RICTOR: variants seen among roughly 807,000 people sequenced by gnomAD.
RICTOR encodes RPTOR independent companion of MTOR complex 2.
In RICTOR, 49 loss-of-function variants were observed where a neutral mutation model predicts 214.9. That is an observed-to-expected ratio of 0.23 (90% CI 0.18 to 0.29). RICTOR has a LOEUF of 0.29. Ranked by LOEUF, RICTOR falls within the 10% of genes least tolerant of loss-of-function variation. The probability of loss-of-function intolerance (pLI) is 1.00; values close to 1 mark genes in which losing one functional copy is unlikely to be tolerated. For missense variants in RICTOR, 1,625 were observed against 2,047.0 expected, an observed-to-expected ratio of 0.79 and a Z score of 3.98; for synonymous variants, 717 against 711.3, an observed-to-expected ratio of 1.01 and a Z score of -0.13.
intron 7 of RICTOR, among the ~76,000 whole-genome samples, chr5:38,984,946 A>C (rs559602637): frequency 6.6e-6 from 1 of 152,176 alleles, no homozygotes; most frequent in Non-Finnish European, 1.5e-5. Context: ...CAGCCTCCCA[A>C]GTAGCTGGGA....
In RICTOR at chr5:38,960,452, T is replaced by C. The variant is rs766724947; in HGVS notation, c.1797A>G (p.Lys599=). ...ANLDLDFAKA[K]QLTVVGCQFT... ...ACTGGCAACCTACAACCGTGAGCTG[T>C]TTGGCCTTGGCAAAATCCAGATCCA... is the stretch of plus-strand genomic sequence containing the variant. The change falls in exon 20 of 38, where the codon AAA becomes AAG. Residue 599 remains lysine, a synonymous_variant. Coordinates refer to ENST00000357387, the MANE Select transcript of RICTOR (RefSeq NM_152756.5). 8 of 1,613,960 alleles carry C rather than the reference T, an allele frequency of 5.0e-6. No homozygotes were observed. In the East Asian group the frequency reaches 1.8e-4, roughly 36 times the overall value.
rs1331567650 is a variant in RICTOR, at chr5:38,949,746, C to T, written c.4102G>A (p.Ala1368Thr). The change falls in exon 31 of 38, where the codon GCC (alanine) becomes ACC (threonine). Residue 1368 changes from alanine to threonine, a missense_variant. Ala to Thr is a moderately conservative substitution (Grantham distance 58). This residue lies in a region of RICTOR where 1,214 missense variants were observed against 1,470.5 expected (regional missense o/e 0.83). Transcript: ENST00000357387. ...GTTAATCTGGACTCAAAACTGTTGG[C>T]CTTCATGGTGATGGTATCAGTAAAT... The part of the protein sequence containing the change: ...VLFTDTITMK[A>T]NSFESRLTPS... The T allele has an allele frequency of 6.2e-7, 1 of 1,613,038 alleles. No individual in the cohort carries two copies. The highest frequency in any genetic ancestry group is 1.3e-5 in the African/African-American group (1 of 74,828).
intron 32 of RICTOR, among the ~76,000 whole-genome samples, chr5:38,946,965 A>G (rs1225035961): frequency 7.6e-6 from 1 of 131,474 alleles, no homozygotes; most frequent in Non-Finnish European, 1.6e-5. Flanking sequence ...ACTAAAAAAC[A>G]AGTTAGAAAT....
intron 3 of RICTOR, among the ~76,000 whole-genome samples, chr5:39,012,152 A>G (rs531335637): frequency 1.3e-5 from 2 of 152,286 alleles, no homozygotes; most frequent in African/African-American, 4.8e-5. Flanking sequence ...GATAGCGAGT[A>G]AGTTCTCATG....
rs774709668 is a variant in RICTOR at position 38,962,827 on chromosome 5, G to A, written c.1566+49C>T. On this transcript the variant is annotated intron_variant, in intron 17 of 37. Coordinates refer to ENST00000357387, the MANE Select transcript of RICTOR (RefSeq NM_152756.5). ...TGCATACTAAAATCCAGTGGTTAAG[G>A]AATTAAGATGTTGTGTTTAAGATGA... 3.4e-6 allele frequency: 5 copies of A among 1,473,278 alleles called. No homozygotes were observed. The Admixed American group carries it at 8.4e-5, about 25-fold the overall frequency. 91.3% of individuals were successfully genotyped at this position (1,473,278 alleles called of 1,614,324 possible). A position where few individuals can be genotyped will look rare whatever the true frequency, so the allele number is the denominator to read the frequency against.
intron 11 of RICTOR, chr5:38,970,943 C>T (rs1750726431): frequency 6.6e-6 from 1 of 152,076 alleles, no homozygotes; most frequent in Admixed American, 6.5e-5. Flanking sequence ...AGTGAGAATG[C>T]CCTTGTGTGT....
intron 3 of RICTOR, 40 bp downstream of exon 3, chr5:39,020,999 C>T (rs776046350): frequency 5.3e-5 from 52 of 990,208 alleles, no homozygotes; most frequent in Middle Eastern, 4.3e-4. Flanking sequence ...TGGTAAGGAA[C>T]AAAGAATTTT....
At chr5:38,977,662 C>T (rs1282695495) in intron 9 of RICTOR, among the ~76,000 whole-genome samples, 2 of 126,420 alleles carry the variant, frequency 1.6e-5, no homozygotes, top group African/African-American at 6.1e-5. Context: ...GTGGTGTGAT[C>T]TCAGCTCAAT....
intron 7 of RICTOR, 43 bp from the exon 8 acceptor site, chr5:38,982,079 T>C (rs1751756310): frequency 7.2e-7 from 1 of 1,394,498 alleles, no homozygotes; most frequent in African/African-American, 1.4e-5. Context: ...GGGTAATTAT[T>C]AAAAGTAATA....
At chr5:38,953,182 C>CT (rs1350524645) in intron 28 of RICTOR, 91 bp from the exon 29 acceptor site, 51 of 852,202 alleles carry the variant, frequency 6.0e-5, no homozygotes, top group Middle Eastern at 2.3e-4. Context: ...AACCTCATCT[C>CT]TGAGAGAGAA....
Position 38,947,354 on chromosome 5 carries a change from T to C in RICTOR, c.4224A>G (p.Ser1408=), listed in dbSNP as rs1344104158. The part of the protein sequence containing the change: ...INQNTLQRSS[S]VRSMVSSATY... ...TGGCACTGGACACCATGGACCGCACTGAGGAAGATCGTTGCAGGGTATTTT... is the reference window on the plus strand; with the variant it reads ...TGGCACTGGACACCATGGACCGCACCGAGGAAGATCGTTGCAGGGTATTTT... Residue 1408 remains serine, a synonymous_variant, in exon 32 of 38, where the codon TCA becomes TCG. Coordinates refer to ENST00000357387, the MANE Select transcript of RICTOR (RefSeq NM_152756.5). The C allele has an allele frequency of 6.2e-7, 1 of 1,612,346 alleles. No homozygotes were observed. The highest frequency in any genetic ancestry group is 8.5e-7 in the Non-Finnish European group (1 of 1,178,520).
At position 38,990,648 on chromosome 5, in the gene RICTOR, G is replaced by GATATATCAT. The variant is rs773521918; in HGVS notation, c.583+300_583+301insATGATATAT. ...TGATATATATATCTGACATATATCA[G>GATATATCAT]ATATATGATATATATCAGATATATA... On this transcript the variant is annotated intron_variant, in intron 7 of 37. Coordinates refer to ENST00000357387, the MANE Select transcript of RICTOR (RefSeq NM_152756.5). Among the ~76,000 whole-genome samples the GATATATCAT allele has an allele frequency of 5.1e-3, 246 of 48,018 alleles. 15 individuals carry two copies. The highest frequency in any genetic ancestry group is 0.015 in the Middle Eastern group (1 of 66). The allele number at this position is 48,018 out of a possible 152,430, so 31.5% of individuals were successfully genotyped here.
intron 2 of RICTOR, 72 bp downstream of exon 2, chr5:39,074,039 C>G (rs1759532230): frequency 1.7e-6 from 2 of 1,195,148 alleles, no homozygotes; most frequent in Non-Finnish European, 2.2e-6. Flanking sequence ...GCCCCTGCCT[C>G]TGGCCCCCAG....
intron 3 of RICTOR, among the ~76,000 whole-genome samples, chr5:39,006,144 T>A (rs539658877): frequency 6.6e-6 from 1 of 152,298 alleles, no homozygotes; most frequent in South Asian, 2.1e-4. Flanking sequence ...ATACTTAACA[T>A]CAGCAAGTGT....
At chr5:38,963,933 G>C (rs929704358) in intron 16 of RICTOR, among the ~76,000 whole-genome samples, 1 of 151,876 alleles carries the variant, frequency 6.6e-6, no homozygotes, top group African/African-American at 2.4e-5. Flanking sequence ...ACTTTGGTCT[G>C]TTAAACAGTA....
Position 39,002,499 on chromosome 5 carries a change from A to C in RICTOR, c.392+36T>G, listed in dbSNP as rs761011405. ...AGGCATGCTAAAAACTCAACACAAA[A>C]TTTCAAAAATATATAAACAAGTCTA... On this transcript the variant is annotated intron_variant, in intron 5 of 37. Transcript: ENST00000357387. The C allele has an allele frequency of 2.7e-6, 4 of 1,504,026 alleles. No homozygotes were observed. The Admixed American group carries it at 8.0e-5, about 30-fold the overall frequency. 93.2% of individuals were successfully genotyped at this position (1,504,026 alleles called of 1,614,324 possible).
At chr5:39,074,044 C>T in intron 2 of RICTOR, 67 bp downstream of exon 2, 6 of 1,275,826 alleles carry the variant, frequency 4.7e-6, no homozygotes, top group Non-Finnish European at 5.2e-6. Context: ...TGCCTCTGGC[C>T]CCCAGCCCCG....
At chr5:38,944,682 G>A (rs1383541892) in intron 35 of RICTOR, 113 bp from the exon 36 acceptor site, 1 of 994,166 alleles carries the variant, frequency 1.0e-6, no homozygotes, top group Non-Finnish European at 1.5e-6. Flanking sequence ...AATTACACAT[G>A]ATCTACCAAT....
intron 2 of RICTOR, among the ~76,000 whole-genome samples, chr5:39,028,199 T>G (rs1015228663): frequency 7.0e-6 from 1 of 142,922 alleles, no homozygotes; most frequent in Non-Finnish European, 1.5e-5. Flanking sequence ...TTTTTTTTTT[T>G]TGAGACGGAG....
Sources: allele counts gnomAD v4.1 joint callset (sites outside exome capture counted in the v4.1 genomes callset), GRCh38; gene constraint gnomAD v4.1.1; regional missense constraint gnomAD v4.1.1; transcripts MANE v1.5; gene names NCBI Gene and HGNC (gene_info 2026-07-23, HGNC 2026-07-21).